The following LRP1B variants were observed in gnomAD, a reference collection of about 807,000 sequenced individuals.
The protein encoded by LRP1B is LDL receptor related protein 1B, also known as low-density lipoprotein receptor-related protein 1B.
Under a neutral mutation model 556.6 loss-of-function variants are expected in LRP1B, and 217 were observed. The ratio of observed to expected loss-of-function variants is 0.39; its 90% CI spans 0.35 to 0.44. The LOEUF is 0.44. LRP1B is among the 20% of genes least tolerant of loss of function. LRP1B has a pLI of 1.00. For missense variants in LRP1B, 5,053 were observed against 5,620.8 expected (o/e 0.90, Z 3.23); for synonymous variants, 2,047 against 1,865.8 (o/e 1.10, Z -2.50).
chr2:141,957,454 T>C (rs1373338797), intron 1 of LRP1B, among the ~76,000 whole-genome samples: 1 of 151,608 alleles, frequency 6.6e-6, no homozygotes, highest in African/African-American at 2.4e-5. Flanking sequence ...GGAACCACTT[T>C]ACTAGGATTC....
At chr2:141,385,927 T>C (rs1296196837) in intron 3 of LRP1B, among the ~76,000 whole-genome samples, 2 of 151,910 alleles carry the variant, frequency 1.3e-5, no homozygotes, top group African/African-American at 4.9e-5. Flanking sequence ...GGCATGTCAT[T>C]TTTTTACTGT....
chr2:141,370,423 G>A (rs1689188566), intron 3 of LRP1B, among the ~76,000 whole-genome samples: 1 of 152,002 alleles, frequency 6.6e-6, no homozygotes, highest in Non-Finnish European at 1.5e-5. Context: ...TTTTTTCATA[G>A]ACTTCTTGGC....
At chr2:141,410,337 A>C in intron 3 of LRP1B, among the ~76,000 whole-genome samples, 1 of 152,114 alleles carries the variant, frequency 6.6e-6, no homozygotes, top group East Asian at 1.9e-4. Context: ...CAAAACCACC[A>C]AAGTATTCAG....
intron 1 of LRP1B, among the ~76,000 whole-genome samples, chr2:141,919,009 G>T (rs1476348767): frequency 6.6e-6 from 1 of 151,988 alleles, no homozygotes; most frequent in Non-Finnish European, 1.5e-5. Flanking sequence ...GATTCTAATG[G>T]TACCTTAAAT....
chr2:141,504,620 A>G (rs1683853923), intron 2 of LRP1B, among the ~76,000 whole-genome samples: 1 of 152,100 alleles, frequency 6.6e-6, no homozygotes, highest in African/African-American at 2.4e-5. Context: ...AGAAATCTAC[A>G]ATGTGGGTGC....
At chr2:140,352,904 G>A (rs760308453) in intron 76 of LRP1B, 49 bp downstream of exon 76, 14 of 1,547,320 alleles carry the variant, frequency 9.0e-6, no homozygotes, top group Non-Finnish European at 1.1e-5. Context: ...TCCATAAAAT[G>A]TTTACAACAA....
At chr2:140,756,011 G>T (rs72984112) in intron 35 of LRP1B, among the ~76,000 whole-genome samples, 2,278 of 151,824 alleles carry the variant, frequency 0.015, 49 homozygotes, top group African/African-American at 0.05. Flanking sequence ...CAATGTTGGA[G>T]GATAGAAGAT....
At chr2:141,499,059 T>C (rs946015718) in intron 2 of LRP1B, among the ~76,000 whole-genome samples, 2 of 152,120 alleles carry the variant, frequency 1.3e-5, no homozygotes, top group Non-Finnish European at 2.9e-5. Flanking sequence ...AGAGAATTCA[T>C]TGTTAAATTC....
At chr2:140,572,715 C>T (rs900329308) in intron 43 of LRP1B, among the ~76,000 whole-genome samples, 3 of 151,226 alleles carry the variant, frequency 2.0e-5, no homozygotes, top group African/African-American at 7.3e-5. Flanking sequence ...AGCCGAAATA[C>T]AGAATCAACC....
intron 1 of LRP1B, among the ~76,000 whole-genome samples, chr2:141,971,866 T>C (rs760565056): frequency 6.6e-6 from 1 of 151,524 alleles, no homozygotes; most frequent in Non-Finnish European, 1.5e-5. Context: ...GTTGCTCATT[T>C]TCCAGGCTAG....
chr2:140,699,101 A>T (rs1372254), intron 41 of LRP1B, among the ~76,000 whole-genome samples: 2 of 152,010 alleles, frequency 1.3e-5, no homozygotes, highest in East Asian at 3.9e-4. Flanking sequence ...TGACACACTC[A>T]TTGTATTCAT....
At chr2:141,901,282 G>A (rs1699611277) in intron 1 of LRP1B, among the ~76,000 whole-genome samples, 1 of 151,918 alleles carries the variant, frequency 6.6e-6, no homozygotes, top group African/African-American at 2.4e-5. Flanking sequence ...CAATGAGTAA[G>A]AATGGAGGAA....
intron 66 of LRP1B, among the ~76,000 whole-genome samples, chr2:140,432,096 A>C (rs954870179): frequency 6.6e-6 from 1 of 152,160 alleles, no homozygotes; most frequent in African/African-American, 2.4e-5. Flanking sequence ...CCACCACAAA[A>C]GAAGTGAAAA....
At chr2:142,106,083 T>C (rs1317552912) in intron 1 of LRP1B, among the ~76,000 whole-genome samples, 2 of 152,200 alleles carry the variant, frequency 1.3e-5, no homozygotes, top group Non-Finnish European at 2.9e-5. Flanking sequence ...TCTGCAGCCT[T>C]AGCTATGATT....
intron 83 of LRP1B, among the ~76,000 whole-genome samples, chr2:140,300,470 A>G (rs747405023): frequency 3.9e-5 from 6 of 152,172 alleles, no homozygotes; most frequent in Non-Finnish European, 8.8e-5. Flanking sequence ...TCCTGTTACA[A>G]TGATTAAGGT....
intron 3 of LRP1B, among the ~76,000 whole-genome samples, chr2:141,419,285 TC>T (rs1456083147): frequency 6.6e-6 from 1 of 152,172 alleles, no homozygotes; most frequent in Non-Finnish European, 1.5e-5. Context: ...GTCTTCAGTA[TC>T]AGGGTCATGC....
intron 82 of LRP1B, among the ~76,000 whole-genome samples, chr2:140,321,599 T>C (rs1558799198): frequency 6.6e-6 from 1 of 151,940 alleles, no homozygotes; most frequent in African/African-American, 2.4e-5. Context: ...TAGAAATGTA[T>C]TGAATAAATA....
intron 1 of LRP1B, among the ~76,000 whole-genome samples, chr2:141,940,659 A>G (rs1700769953): frequency 6.6e-6 from 1 of 152,156 alleles, no homozygotes; most frequent in Admixed American, 6.5e-5. Flanking sequence ...ATTTTTCCCT[A>G]AATCCTTTTA....
intron 23 of LRP1B, among the ~76,000 whole-genome samples, chr2:140,889,121 C>T (rs781243970): frequency 6.6e-6 from 1 of 152,138 alleles, no homozygotes; most frequent in African/African-American, 2.4e-5. Context: ...TAGACTGCTG[C>T]CAGTCCACAG....
Sources: gnomAD v4.1 joint callset for allele counts (sites outside exome capture counted in the v4.1 genomes callset) on GRCh38, gnomAD v4.1.1 for gene constraint, MANE v1.5 for transcripts, NCBI Gene and HGNC (gene_info 2026-07-23, HGNC 2026-07-21) for gene names.